Variants in STRN3 observed in about 807,000 individuals in gnomAD.
STRN3 encodes the protein striatin 3.
In STRN3, 29 loss-of-function variants were observed where a neutral mutation model predicts 95.6. That is an observed-to-expected ratio of 0.30 (90% CI 0.23 to 0.41). The LOEUF is 0.41. Ranked by LOEUF, STRN3 falls within the 10% of genes least tolerant of loss-of-function variation. The pLI, the probability that STRN3 is intolerant of heterozygous loss-of-function variation, is 1.00. For missense variants in STRN3, 890 were observed against 972.1 expected, an observed-to-expected ratio of 0.92 and a Z score of 1.12; for synonymous variants, 331 against 357.6, an observed-to-expected ratio of 0.93 and a Z score of 0.84.
chr14:30,899,745 C>G (rs925705422), intron 16 of STRN3, among the ~76,000 whole-genome samples: 1 of 151,926 alleles, frequency 6.6e-6, no homozygotes, highest in African/African-American at 2.4e-5. Context: ...GCACATACCC[C>G]CCCCACCCCC....
chr14:30,995,237 T>C (rs1882144527), intron 1 of STRN3, among the ~76,000 whole-genome samples: 1 of 152,232 alleles, frequency 6.6e-6, no homozygotes, highest in Non-Finnish European at 1.5e-5. Context: ...ACTCCAAAAG[T>C]TAACTTTACA....
At chr14:30,934,780 T>C (rs1453141549) in intron 7 of STRN3, among the ~76,000 whole-genome samples, 1 of 152,126 alleles carries the variant, frequency 6.6e-6, no homozygotes, top group Non-Finnish European at 1.5e-5. Context: ...GATAACACTA[T>C]ATGGACATAC....
chr14:31,025,878 C>T (rs1410505677), intron 1 of STRN3, 26 bp downstream of exon 1: 1 of 1,589,520 alleles, frequency 6.3e-7, no homozygotes, highest in Non-Finnish European at 8.5e-7. Context: ...CGCCGCAGCT[C>T]CCGCACACCG....
chr14:31,007,256 C>G (rs1055838978), intron 1 of STRN3, among the ~76,000 whole-genome samples: 9 of 152,162 alleles, frequency 5.9e-5, no homozygotes, highest in Admixed American at 5.9e-4. Context: ...AAGTCTACAT[C>G]AGAGCAAGAG....
chr14:30,904,948 C>T (rs1304410352), intron 15 of STRN3, among the ~76,000 whole-genome samples: 5 of 145,678 alleles, frequency 3.4e-5, no homozygotes, highest in Non-Finnish European at 7.5e-5. Flanking sequence ...ACAAAGTAGC[C>T]AATTTCGTCA....
chr14:30,976,562 GCAGAACAA>G (rs1881114710), intron 1 of STRN3, among the ~76,000 whole-genome samples: 1 of 152,296 alleles, frequency 6.6e-6, no homozygotes, highest in South Asian at 2.1e-4. Context: ...TCCAAGAACA[GCAGAACAA>G]CATTATTTTC....
At chr14:30,908,031 G>A (rs181125564) in intron 13 of STRN3, among the ~76,000 whole-genome samples, 5 of 152,122 alleles carry the variant, frequency 3.3e-5, no homozygotes, top group Admixed American at 6.5e-5. Context: ...TTCTTGCTGC[G>A]TAATATATAA....
At chr14:31,013,253 T>C (rs891841457) in intron 1 of STRN3, among the ~76,000 whole-genome samples, 2 of 151,374 alleles carry the variant, frequency 1.3e-5, no homozygotes, top group Admixed American at 6.6e-5. Context: ...CAGGTTCCTG[T>C]AGTTCCAAAC....
chr14:30,935,250 C>T lies in STRN3; in HGVS notation c.901G>A (p.Ala301Thr). Residue 301 changes from alanine (A) to threonine (T), a missense_variant, in exon 7 of 18, where the codon GCA becomes ACA. Around this residue, in one of 3 missense-constraint regions of STRN3, gnomAD observed 526 missense variants for 526.3 expected, o/e 1.00. Transcript: ENST00000357479. ...DLTDDPDTEE[A>T]LKEFDFLVTA... Reference sequence around the variant, plus strand: ...ACTAAAAAATCAAATTCTTTCAGTGCTTCCTCAGTATCAGGATCGTCAGTT... The same window carrying T: ...ACTAAAAAATCAAATTCTTTCAGTGTTTCCTCAGTATCAGGATCGTCAGTT... 6.2e-7 allele frequency: 1 copy of T among 1,614,124 alleles called. No homozygotes were observed. Among genetic ancestry groups the T allele is most frequent in the Non-Finnish European group, 8.5e-7 (1 of 1,179,998 alleles).
At position 30,893,864 on chromosome 14, in the gene STRN3, G is replaced by A. The variant is rs1360551864; in HGVS notation, c.*1547C>T. On this transcript the variant is annotated 3_prime_UTR_variant, in exon 18 of 18. Transcript: ENST00000357479. ...TGCACTTTATTATTCAACACAAAAT[G>A]ATGTAGCCAACAGTAACATACAGGT... The A allele has an allele frequency of 1.3e-5, 2 of 152,486 alleles. No individual in the cohort carries two copies. The highest frequency in any genetic ancestry group is 1.3e-4 in the Admixed American group (2 of 15,278). The allele number at this position is 152,486 out of a possible 1,614,324, so 9.4% of individuals were successfully genotyped here.
At chr14:31,018,118 T>C (rs1448240374) in intron 1 of STRN3, among the ~76,000 whole-genome samples, 3 of 142,068 alleles carry the variant, frequency 2.1e-5, no homozygotes, top group African/African-American at 8.1e-5. Flanking sequence ...TTTAAATAAA[T>C]TTAAAACCAT....
chr14:30,985,935 CT>C (rs1881669142), intron 1 of STRN3, among the ~76,000 whole-genome samples: 1 of 152,190 alleles, frequency 6.6e-6, no homozygotes, highest in South Asian at 2.1e-4. Flanking sequence ...ACACACCCCC[CT>C]CAGCTCTCTT....
chr14:30,899,122 G>T (rs1316777692), intron 16 of STRN3, among the ~76,000 whole-genome samples: 1 of 152,170 alleles, frequency 6.6e-6, no homozygotes, highest in Non-Finnish European at 1.5e-5. Context: ...TGTTCACCAA[G>T]CTTCAAGAAC....
At chr14:30,910,868 C>T (rs557357033) in intron 13 of STRN3, among the ~76,000 whole-genome samples, 173 bp downstream of exon 13, 1 of 151,938 alleles carries the variant, frequency 6.6e-6, no homozygotes, top group African/African-American at 2.4e-5. Context: ...GCTTAAATAC[C>T]CATGGCATGA....
chr14:30,995,372 G>A (rs1214890567), intron 1 of STRN3, among the ~76,000 whole-genome samples: 1 of 151,870 alleles, frequency 6.6e-6, no homozygotes, highest in African/African-American at 2.4e-5. Flanking sequence ...TTATTATAAA[G>A]GACACTAGCC....
intron 1 of STRN3, among the ~76,000 whole-genome samples, chr14:30,992,344 G>A (rs1881997151): frequency 6.6e-6 from 1 of 151,646 alleles, no homozygotes; most frequent in South Asian, 2.1e-4. Flanking sequence ...GGCAGAGGTT[G>A]CAGTGAACCA....
Position 30,895,159 on chromosome 14 carries a change from T to C in STRN3, c.*252A>G, listed in dbSNP as rs894942405. 1.9e-5 allele frequency: 7 copies of C among 364,538 alleles called. No individual in the cohort carries two copies. The highest frequency in any genetic ancestry group is 1.9e-4 in the East Asian group (4 of 21,124). The allele number at this position is 364,538 out of a possible 1,614,324, so 22.6% of individuals were successfully genotyped here. On this transcript the variant is annotated 3_prime_UTR_variant, in exon 18 of 18. Transcript: ENST00000357479. ...GCTTAAAGACACCTAAAAACAGATA[T>C]ACGCTCAGTTCACATCCAGTACAGG...
chr14:30,906,355 A>C (rs1896460318), intron 14 of STRN3, among the ~76,000 whole-genome samples: 1 of 152,244 alleles, frequency 6.6e-6, no homozygotes, highest in Admixed American at 6.5e-5. Flanking sequence ...AATGACTTGG[A>C]AAATAAGACC....
intron 1 of STRN3, among the ~76,000 whole-genome samples, chr14:31,008,726 G>A (rs1375845880): frequency 2.0e-5 from 3 of 152,044 alleles, no homozygotes; most frequent in Non-Finnish European, 4.4e-5. Flanking sequence ...TAGTATTTGC[G>A]TACATATTCT....
Sources: allele counts gnomAD v4.1 joint callset (sites outside exome capture counted in the v4.1 genomes callset), GRCh38; gene constraint gnomAD v4.1.1; regional missense constraint gnomAD v4.1.1; transcripts MANE v1.5; gene names NCBI Gene and HGNC (gene_info 2026-07-23, HGNC 2026-07-21).